Variants in CYP2C18 observed in about 807,000 individuals in gnomAD.
The protein encoded by CYP2C18 is cytochrome P450 2C18.
CYP2C18 carries 38 observed loss-of-function variants against 41.3 expected under a neutral mutation model. The ratio of observed to expected loss-of-function variants is 0.92; its 90% confidence interval spans 0.71 to 1.21. The LOEUF (loss-of-function observed/expected upper bound fraction) is 1.21. Ranked by LOEUF, CYP2C18 falls within the 50% of genes most tolerant of loss-of-function variation. CYP2C18 has a pLI of 0.00. For missense variants in CYP2C18, 635 were observed against 591.4 expected (o/e 1.07, Z -0.77); for synonymous variants, 236 against 210.0 (o/e 1.12, Z -1.07).
rs1846892717 is a variant in CYP2C18, at chr10:94,686,642, A to G, written c.169-1128A>G. Reference sequence around the variant, plus strand: ...ATATGTTATAGGAACATTCCTCAGCATTCCTCCTGTACCAGCAGAGGCTGA... The same window carrying G: ...ATATGTTATAGGAACATTCCTCAGCGTTCCTCCTGTACCAGCAGAGGCTGA... On this transcript the variant is annotated intron_variant, in intron 1 of 8. Coordinates refer to ENST00000285979, the MANE Select transcript of CYP2C18 (RefSeq NM_000772.3). 1.3e-5 allele frequency among the ~76,000 whole-genome samples: 2 copies of G among 152,218 alleles called. 1 individual carries two copies. Among genetic ancestry groups the G allele is most frequent in the South Asian group, 4.1e-4 (2 of 4,830 alleles).
chr10:94,732,808 G>A (rs1262125823), intron 7 of CYP2C18, among the ~76,000 whole-genome samples: 1 of 151,990 alleles, frequency 6.6e-6, no homozygotes, highest in African/African-American at 2.4e-5. Flanking sequence ...ACTAGATGGG[G>A]GCTGAAGGGG....
At position 94,693,547 on chromosome 10, in the gene CYP2C18, C is replaced by A. The variant is rs1472321376; in HGVS notation, c.482-1370C>A. Among the ~76,000 whole-genome samples, 10 of 152,290 alleles carry A rather than the reference C, an allele frequency of 6.6e-5. No homozygotes were observed. The East Asian group carries it at 1.9e-3, about 29-fold the overall frequency. On this transcript the variant is annotated intron_variant, in intron 3 of 8. Coordinates refer to ENST00000285979, the MANE Select transcript of CYP2C18 (RefSeq NM_000772.3). Reference sequence around the variant, plus strand: ...GGAAAGACCAGAAACCAGATTTTCACTACATCATGTTCATATGCATGCACA... The same window carrying A: ...GGAAAGACCAGAAACCAGATTTTCAATACATCATGTTCATATGCATGCACA...
intron 5 of CYP2C18, among the ~76,000 whole-genome samples, chr10:94,711,864 C>A (rs997852112): frequency 4.0e-5 from 6 of 151,624 alleles, no homozygotes; most frequent in African/African-American, 1.2e-4. Context: ...GTTTTAGAGG[C>A]AGAATCTTGC....
intron 7 of CYP2C18, among the ~76,000 whole-genome samples, chr10:94,725,421 T>A (rs1198461893): frequency 6.6e-6 from 1 of 152,034 alleles, no homozygotes; most frequent in Non-Finnish European, 1.5e-5. Context: ...TTAATATTTA[T>A]TTTATTTCTT....
In CYP2C18 at chr10:94,720,493, T is replaced by C; in HGVS notation, c.917T>C (p.Leu306Pro). 2 of 1,613,212 alleles carry C rather than the reference T, an allele frequency of 1.2e-6. No homozygotes were observed. The highest frequency in any genetic ancestry group is 2.2e-5 in the South Asian group (2 of 91,054). The change falls in exon 6 of 9, where the codon CTG (leucine) becomes CCG (proline). Residue 306 changes from leucine (L) to proline (P), a missense_variant. Leu to Pro is a moderately conservative substitution (Grantham distance 98). Transcript: ENST00000285979. ...GAGTETTSTTLRYGLLLLLKY... is the reference protein window; with the variant it reads ...GAGTETTSTTPRYGLLLLLKY... ...GGAACAGAGACAACGAGCACCACTC[T>C]GAGATATGGACTCCTGCTCCTGCTG... is the stretch of plus-strand genomic sequence containing the variant.
intron 3 of CYP2C18, among the ~76,000 whole-genome samples, chr10:94,693,982 G>T (rs1564638586): frequency 6.6e-6 from 1 of 152,080 alleles, no homozygotes; most frequent in Non-Finnish European, 1.5e-5. Flanking sequence ...CTGAAAATCA[G>T]CTTTCCTCTA....
intron 5 of CYP2C18, 93 bp downstream of exon 5, chr10:94,707,053 A>C (rs1310822653): frequency 2.1e-6 from 2 of 971,694 alleles, no homozygotes; most frequent in Non-Finnish European, 3.2e-6. Flanking sequence ...CTTCATGAGC[A>C]CTTTATGTAC....
intron 5 of CYP2C18, among the ~76,000 whole-genome samples, chr10:94,709,652 G>A (rs1847401348): frequency 6.6e-6 from 1 of 151,920 alleles, no homozygotes; most frequent in East Asian, 1.9e-4. Context: ...CAATTTTTTT[G>A]TCACGTTTAA....
intron 4 of CYP2C18, among the ~76,000 whole-genome samples, chr10:94,696,473 C>G (rs1847118600): frequency 6.6e-6 from 1 of 152,004 alleles, no homozygotes; most frequent in African/African-American, 2.4e-5. Context: ...ACCAAAACCC[C>G]ATCTGTACGT....
chr10:94,690,814 A>C (rs750481189), intron 3 of CYP2C18, among the ~76,000 whole-genome samples: 1 of 152,316 alleles, frequency 6.6e-6, no homozygotes, highest in East Asian at 1.9e-4. Flanking sequence ...ACACACAAAA[A>C]GCTTATCCAC....
At position 94,735,304 on chromosome 10, in the gene CYP2C18, C is replaced by T. The variant is rs773532157; in HGVS notation, c.1333C>T (p.Leu445=). The T allele has an allele frequency of 6.2e-7, 1 of 1,613,668 alleles. No homozygotes were observed. The highest frequency in any genetic ancestry group is 8.5e-7 in the Non-Finnish European group (1 of 1,179,720). The stretch of plus-strand genomic sequence containing the variant: ...GGGAGAGGGCCTGGCCCGCATGGAG[C>T]TGTTTTTATTCCTGACCACCATTTT... ...CMGEGLARME[L]FLFLTTILQN... is the part of the protein sequence containing the mutation. Residue 445 remains leucine (L), a synonymous_variant, in exon 9 of 9, where the codon CTG becomes TTG. Coordinates refer to ENST00000285979, the MANE Select transcript of CYP2C18 (RefSeq NM_000772.3).
chr10:94,695,420 G>A (rs551174325), intron 4 of CYP2C18, among the ~76,000 whole-genome samples: 3 of 152,252 alleles, frequency 2.0e-5, no homozygotes, highest in African/African-American at 7.2e-5. Context: ...GTGTTAGTTT[G>A]CTGAGAATGA....
chr10:94,691,507 C>T (rs1445053068), intron 3 of CYP2C18, among the ~76,000 whole-genome samples: 1 of 152,100 alleles, frequency 6.6e-6, no homozygotes, highest in Non-Finnish European at 1.5e-5. Context: ...CAAACCACTG[C>T]TCACTGAAAT....
intron 3 of CYP2C18, 122 bp from the exon 4 acceptor site, chr10:94,694,795 G>C: frequency 9.2e-7 from 1 of 1,086,936 alleles, no homozygotes; most frequent in Non-Finnish European, 1.3e-6. Flanking sequence ...AGTTTGTGTT[G>C]ATAAGAGAAT....
chr10:94,691,344 T>C (rs1363289973), intron 3 of CYP2C18, among the ~76,000 whole-genome samples: 1 of 152,194 alleles, frequency 6.6e-6, no homozygotes, highest in Non-Finnish European at 1.5e-5. Flanking sequence ...ACAAAATAAA[T>C]GTGCAAAATT....
chr10:94,728,361 G>A lies in CYP2C18; in HGVS notation c.1149+3828G>A, dbSNP rs181835477. ...GTATCTGCTAGGTCTCTCCATTGTT[G>A]GGGTTCTGTTTTTCATATGCAGTTA... On this transcript the variant is annotated intron_variant, in intron 7 of 8. Coordinates refer to ENST00000285979, the MANE Select transcript of CYP2C18 (RefSeq NM_000772.3). Among the ~76,000 whole-genome samples the A allele has an allele frequency of 1.6e-3, 236 of 152,102 alleles. 1 individual carries two copies. Among genetic ancestry groups the A allele is most frequent in the Non-Finnish European group, 2.7e-3 (186 of 67,990 alleles).
chr10:94,716,457 A>C (rs1386469595), intron 5 of CYP2C18, among the ~76,000 whole-genome samples: 1 of 152,142 alleles, frequency 6.6e-6, no homozygotes, highest in Non-Finnish European at 1.5e-5. Flanking sequence ...GTCATTCAGG[A>C]GCAGGTTGTT....
intron 8 of CYP2C18, among the ~76,000 whole-genome samples, chr10:94,734,905 A>C (rs1847893696): frequency 6.6e-6 from 1 of 152,208 alleles, no homozygotes; most frequent in Non-Finnish European, 1.5e-5. Flanking sequence ...GGAACACACT[A>C]TATGAGCCTT....
chr10:94,684,024 G>A (rs773318873), intron 1 of CYP2C18, 37 bp downstream of exon 1: 61 of 1,480,768 alleles, frequency 4.1e-5, no homozygotes, highest in Non-Finnish European at 5.0e-5. Flanking sequence ...AATGTACAAG[G>A]TGTATTTAAC....
Sources: allele counts gnomAD v4.1 joint callset (sites outside exome capture counted in the v4.1 genomes callset), GRCh38; gene constraint gnomAD v4.1.1; transcripts MANE v1.5; gene names NCBI Gene and HGNC (gene_info 2026-07-23, HGNC 2026-07-21).